The following HPSE2 variants were observed in gnomAD, a reference collection of about 807,000 sequenced individuals.
HPSE2 encodes inactive heparanase-2.
HPSE2 carries 38 observed loss-of-function variants against 60.5 expected under a neutral mutation model. The observed-to-expected ratio is 0.63, with a 90% CI of 0.48 to 0.82. The LOEUF (loss-of-function observed/expected upper bound fraction) is 0.82, where lower values mean the gene tolerates loss of function less well. HPSE2 is among the 40% of genes least tolerant of loss of function. The pLI, the probability that HPSE2 is intolerant of heterozygous loss-of-function variation, is 0.00. For synonymous variants in HPSE2, 295 were observed against 293.2 expected (o/e 1.01, Z -0.06); for missense variants, 713 against 740.4 (o/e 0.96, Z 0.43).
At chr10:98,514,711 G>GTTTTT (rs35977879) in intron 9 of HPSE2, among the ~76,000 whole-genome samples, 1 of 67,726 alleles carries the variant, frequency 1.5e-5, no homozygotes, top group African/African-American at 5.3e-5. Context: ...TATATACTTT[G>GTTTTT]TTTTTTTTTT....
In HPSE2 at chr10:98,466,633, G is replaced by C. The variant is rs1202904327; in HGVS notation, c.1614-6894C>G. On this transcript the variant is annotated intron_variant, in intron 11 of 11. Coordinates refer to ENST00000370552, the MANE Select transcript of HPSE2 (RefSeq NM_021828.5). ...CTCAAAAAAAAAAAAAAAAAGAAAA[G>C]AAAATCAGTTCTGCCTCACCCACCT... 2.7e-5 allele frequency among the ~76,000 whole-genome samples: 4 copies of C among 147,726 alleles called. No homozygotes were observed. The South Asian group carries it at 8.6e-4, about 32-fold the overall frequency.
chr10:98,923,918 T>C (rs1283186083), intron 3 of HPSE2, among the ~76,000 whole-genome samples: 1 of 152,188 alleles, frequency 6.6e-6, no homozygotes, highest in African/African-American at 2.4e-5. Flanking sequence ...CCTCATTTAG[T>C]TCATTTGGTG....
chr10:98,875,548 C>CAA (rs774488934), intron 3 of HPSE2, among the ~76,000 whole-genome samples: 1 of 146,582 alleles, frequency 6.8e-6, no homozygotes, highest in South Asian at 2.2e-4. Context: ...GCCTACCAAC[C>CAA]AAAAAAAAAA....
the HPSE2 span, among the ~76,000 whole-genome samples, chr10:99,263,301 T>C: frequency 6.6e-6 from 1 of 152,160 alleles, no homozygotes; most frequent in East Asian, 1.9e-4. Flanking sequence ...CCACTACCTC[T>C]CAGCAAGCCA....
rs61074165 is a variant in HPSE2, at chr10:99,173,943, C to CAA, written c.449-29546_449-29545dup. On this transcript the variant is annotated intron_variant, in intron 2 of 11. Coordinates refer to ENST00000370552, the MANE Select transcript of HPSE2 (RefSeq NM_021828.5). ...GAGCAACAAGAGCGAGACTCTGTCT[C>CAA]AAAAAAAAAAAAAAAAAAAAAAAAA... Among the ~76,000 whole-genome samples the CAA allele has an allele frequency of 5.7e-3, 573 of 99,898 alleles. 58 individuals are homozygous for CAA. The highest frequency in any genetic ancestry group is 0.032 in the African/African-American group (513 of 15,848). 65.5% of individuals were successfully genotyped at this position (99,898 alleles called of 152,430 possible).
chr10:98,883,568 G>A (rs1471144018), intron 3 of HPSE2, among the ~76,000 whole-genome samples: 2 of 152,058 alleles, frequency 1.3e-5, no homozygotes, highest in African/African-American at 4.8e-5. Flanking sequence ...AATTTGGGAG[G>A]CTGAGGCAGG....
At chr10:98,898,199 C>T (rs1049294701) in intron 3 of HPSE2, among the ~76,000 whole-genome samples, 1 of 152,122 alleles carries the variant, frequency 6.6e-6, no homozygotes, top group Non-Finnish European at 1.5e-5. Context: ...CATAGTCTTA[C>T]CTTACAATCC....
At chr10:98,673,587 A>G (rs1402070805) in intron 6 of HPSE2, among the ~76,000 whole-genome samples, 2 of 152,130 alleles carry the variant, frequency 1.3e-5, no homozygotes, top group African/African-American at 4.8e-5. Context: ...AGCCACACAC[A>G]AACTCAATTA....
At chr10:98,989,739 G>T (rs1475835077) in intron 3 of HPSE2, among the ~76,000 whole-genome samples, 1 of 152,098 alleles carries the variant, frequency 6.6e-6, no homozygotes, top group African/African-American at 2.4e-5. Flanking sequence ...ATATTTCATG[G>T]CCTTTTTTGG....
chr10:99,134,789 C>T (rs908208686), intron 3 of HPSE2, among the ~76,000 whole-genome samples: 1 of 152,130 alleles, frequency 6.6e-6, no homozygotes, highest in African/African-American at 2.4e-5. Flanking sequence ...AGAGCATCAA[C>T]ACTATGAAGA....
intron 2 of HPSE2, among the ~76,000 whole-genome samples, chr10:99,178,700 G>A (rs1398067078): frequency 6.6e-6 from 1 of 152,114 alleles, no homozygotes; most frequent in Non-Finnish European, 1.5e-5. Context: ...ACAAAGAGGA[G>A]CTGGTACCAT....
the HPSE2 span, among the ~76,000 whole-genome samples, chr10:99,248,330 C>T: frequency 6.6e-6 from 1 of 152,190 alleles, no homozygotes; most frequent in Admixed American, 6.5e-5. Context: ...AGAGAAAAGG[C>T]CACTTTTCTA....
chr10:98,460,447 C>T (rs562084450), intron 11 of HPSE2, among the ~76,000 whole-genome samples: 17 of 151,896 alleles, frequency 1.1e-4, no homozygotes, highest in East Asian at 3.9e-4. Context: ...AGCAACATAG[C>T]GAGACCCCAT....
At chr10:98,584,373 C>T (rs1020955193) in intron 9 of HPSE2, among the ~76,000 whole-genome samples, 1 of 152,168 alleles carries the variant, frequency 6.6e-6, no homozygotes, top group Non-Finnish European at 1.5e-5. Flanking sequence ...ACTATAGCCA[C>T]ACCTCTTACT....
At chr10:98,908,589 A>C (rs1034493420) in intron 3 of HPSE2, among the ~76,000 whole-genome samples, 1 of 146,136 alleles carries the variant, frequency 6.8e-6, no homozygotes. Flanking sequence ...AGGCTGATGC[A>C]GGAGAATCAC....
intron 7 of HPSE2, among the ~76,000 whole-genome samples, chr10:98,622,434 G>A (rs968689917): frequency 7.2e-5 from 11 of 152,126 alleles, no homozygotes; most frequent in East Asian, 1.9e-4. Flanking sequence ...GGAGTATTAC[G>A]TTAATTTAAT....
rs373744661 is a variant in HPSE2, at chr10:99,045,484, A to T, written c.610+98754T>A. 1.5e-4 allele frequency among the ~76,000 whole-genome samples: 23 copies of T among 152,218 alleles called. No individual in the cohort carries two copies. The East Asian group carries it at 2.7e-3, about 18-fold the overall frequency. On this transcript the variant is annotated intron_variant, in intron 3 of 11. Coordinates refer to ENST00000370552, the MANE Select transcript of HPSE2 (RefSeq NM_021828.5). ...AGCTAGCAGTTCCTCTCTAACAATA[A>T]TTACAGAAGAACCAAATGAAATTGA...
At chr10:98,555,515 C>T (rs142738391) in intron 9 of HPSE2, among the ~76,000 whole-genome samples, 10 of 152,266 alleles carry the variant, frequency 6.6e-5, no homozygotes, top group African/African-American at 1.4e-4. Context: ...TGGCTCTCCA[C>T]GGGATTCGTT....
chr10:98,473,597 T>G (rs1000799419), intron 11 of HPSE2, among the ~76,000 whole-genome samples: 1 of 150,568 alleles, frequency 6.6e-6, no homozygotes, highest in Non-Finnish European at 1.5e-5. Context: ...ATTCTAAAAC[T>G]CAGTGGATTC....
Sources: allele counts gnomAD v4.1 joint callset (sites outside exome capture counted in the v4.1 genomes callset), GRCh38; gene constraint gnomAD v4.1.1; transcripts MANE v1.5; gene names NCBI Gene and HGNC (gene_info 2026-07-23, HGNC 2026-07-21).